XCL1: variants seen among roughly 807,000 people sequenced by gnomAD.
XCL1 encodes the protein lymphotactin.
XCL1 carries 6 observed loss-of-function variants against 7.4 expected under a neutral mutation model. That is an observed-to-expected ratio of 0.82 (90% CI 0.45 to 1.61). The LOEUF is 1.61. XCL1 is among the 40% of genes most tolerant of loss of function. The pLI is 0.01. For synonymous variants in XCL1, 48 were observed against 52.4 expected (o/e 0.92, Z 0.36); for missense variants, 122 against 138.2 (o/e 0.88, Z 0.59).
chr1:168,577,725 C>T (rs1245266361), intron 1 of XCL1, among the ~76,000 whole-genome samples: 1 of 152,186 alleles, frequency 6.6e-6, no homozygotes, highest in African/African-American at 2.4e-5. Flanking sequence ...CCACATGTTG[C>T]TACCTGGCTG....
At chr1:168,577,144 T>C (rs994129329) in intron 1 of XCL1, among the ~76,000 whole-genome samples, 81 of 152,344 alleles carry the variant, frequency 5.3e-4, no homozygotes, top group Non-Finnish European at 1.0e-3. Flanking sequence ...CCATTTAATA[T>C]ATAGTTTGAT....
intron 1 of XCL1, among the ~76,000 whole-genome samples, chr1:168,577,282 T>TC (rs1655046562): frequency 6.6e-6 from 1 of 152,306 alleles, no homozygotes; most frequent in East Asian, 1.9e-4. Flanking sequence ...AACCTTCATG[T>TC]CCAGAAAATC....
rs1418015928 is a variant in XCL1 at position 168,582,065 on chromosome 1, C to T, written c.*845C>T. ...TTTTAATTAAATGCTCATCTGGTAA[C>T]TCAACACCCCAGATTCATGCTGTCT... On this transcript the variant is annotated 3_prime_UTR_variant, in exon 3 of 3. Transcript: ENST00000367818. The T allele has an allele frequency of 6.6e-6, 1 of 152,176 alleles. No individual in the cohort carries two copies. Among genetic ancestry groups the T allele is most frequent in the East Asian group, 1.9e-4 (1 of 5,198 alleles). The allele number at this position is 152,176 out of a possible 1,614,324, so 9.4% of individuals were successfully genotyped here. A position where few individuals can be genotyped will look rare whatever the true frequency, so the allele number is the denominator to read the frequency against.
At chr1:168,579,968 C>T in intron 1 of XCL1, 95 bp from the exon 2 acceptor site, 19 of 1,295,560 alleles carry the variant, frequency 1.5e-5, no homozygotes, top group Non-Finnish European at 2.0e-5. Context: ...CTTAAATTCT[C>T]ACAACATTCT....
chr1:168,578,030 A>G (rs1156808844), intron 1 of XCL1, among the ~76,000 whole-genome samples: 3 of 152,230 alleles, frequency 2.0e-5, no homozygotes, highest in Non-Finnish European at 2.9e-5. Flanking sequence ...GGTTTCAAGC[A>G]TAACAGGATT....
chr1:168,576,984 T>C (rs1460947595), intron 1 of XCL1, among the ~76,000 whole-genome samples: 2 of 152,202 alleles, frequency 1.3e-5, no homozygotes, highest in African/African-American at 2.4e-5. Flanking sequence ...TATAACTGAA[T>C]AGTATAACAG....
At chr1:168,578,598 T>C (rs1321633323) in intron 1 of XCL1, 1 of 199,194 alleles carries the variant, frequency 5.0e-6, no homozygotes, top group Non-Finnish European at 1.0e-5. Context: ...CATTTATTAA[T>C]TTTTTGGAGA....
chr1:168,578,579 A>G (rs1219246603), intron 1 of XCL1: 2 of 209,316 alleles, frequency 9.6e-6, no homozygotes, highest in Non-Finnish European at 9.4e-6. Flanking sequence ...TATATATCTT[A>G]CCTTTTACCA....
intron 2 of XCL1, among the ~76,000 whole-genome samples, chr1:168,580,707 A>G (rs1214632244): frequency 1.3e-5 from 2 of 152,196 alleles, no homozygotes; most frequent in Non-Finnish European, 2.9e-5. Flanking sequence ...CTTTTTATTT[A>G]AAAAATAAGA....
chr1:168,578,535 TGG>T (rs2101835979), intron 1 of XCL1: 1 of 182,238 alleles, frequency 5.5e-6, no homozygotes, highest in East Asian at 1.8e-4. Flanking sequence ...CCATTACTAT[TGG>T]GGATGCATAT....
Position 168,580,027 on chromosome 1 carries a change from A to G in XCL1, c.62-36A>G, listed in dbSNP as rs371121214. The G allele has an allele frequency of 8.5e-5, 136 of 1,591,360 alleles. No individual in the cohort carries two copies. The African/African-American group carries it at 1.7e-3, about 20-fold the overall frequency. ...TTCCTGTGATCTGGATAATTGCTTT[A>G]TTTTTAATTGTCTGTTGTTTTTTTT... is the stretch of plus-strand genomic sequence containing the variant. On this transcript the variant is annotated intron_variant, in intron 1 of 2. Transcript: ENST00000367818.
chr1:168,578,295 T>TC (rs1655074354), intron 1 of XCL1, among the ~76,000 whole-genome samples: 1 of 152,210 alleles, frequency 6.6e-6, no homozygotes. Context: ...CTTCTGATAT[T>TC]AGCAACACTA....
chr1:168,581,454 T>C lies in XCL1; in HGVS notation c.*234T>C, dbSNP rs1400096171. ...ATATTTAGGGAAAGGTAGTGTATCA[T>C]TGTTGTTTGATTTCTGACCTTGTAC... On this transcript the variant is annotated 3_prime_UTR_variant, in exon 3 of 3. Coordinates refer to ENST00000367818, the MANE Select transcript of XCL1 (RefSeq NM_002995.3). 7.7e-6 allele frequency: 3 copies of C among 391,860 alleles called. No homozygotes were observed. Among genetic ancestry groups the C allele is most frequent in the Non-Finnish European group, 1.2e-5 (3 of 240,826 alleles). 24.3% of individuals were successfully genotyped at this position (391,860 alleles called of 1,614,324 possible). A position where few individuals can be genotyped will look rare whatever the true frequency, so the allele number is the denominator to read the frequency against.
intron 2 of XCL1, 123 bp downstream of exon 2, chr1:168,580,300 A>G: frequency 9.4e-7 from 1 of 1,064,698 alleles, no homozygotes; most frequent in Non-Finnish European, 1.3e-6. Context: ...CAACTTAACC[A>G]AAAACCTCTT....
chr1:168,577,910 G>A (rs1164405122), intron 1 of XCL1, among the ~76,000 whole-genome samples: 2 of 152,276 alleles, frequency 1.3e-5, no homozygotes, highest in East Asian at 3.9e-4. Flanking sequence ...ATACAAAAAT[G>A]AGGGAAAACG....
At chr1:168,580,800 G>A (rs1179068739) in intron 2 of XCL1, among the ~76,000 whole-genome samples, 4 of 152,146 alleles carry the variant, frequency 2.6e-5, no homozygotes, top group Non-Finnish European at 5.9e-5. Flanking sequence ...ACAACATTTG[G>A]TGACATGGAT....
intron 1 of XCL1, among the ~76,000 whole-genome samples, chr1:168,577,936 C>G (rs966065): frequency 0.52 from 79,594 of 151,920 alleles, 21,763 homozygotes; most frequent in Middle Eastern, 0.67. Context: ...TGCTTTGACT[C>G]AATTTTGCAA....
chr1:168,580,481 T>C (rs1219133273), intron 2 of XCL1, among the ~76,000 whole-genome samples: 3 of 152,278 alleles, frequency 2.0e-5, no homozygotes, highest in African/African-American at 4.8e-5. Context: ...CTGGCCCATG[T>C]CAGGGTTTCC....
intron 1 of XCL1, chr1:168,578,886 T>C: frequency 5.2e-6 from 2 of 388,118 alleles, no homozygotes; most frequent in Non-Finnish European, 9.9e-6. Context: ...TACCCCTTGA[T>C]AATGCATTAA....
Sources: gnomAD v4.1 joint callset for allele counts (sites outside exome capture counted in the v4.1 genomes callset) on GRCh38, gnomAD v4.1.1 for gene constraint, MANE v1.5 for transcripts, NCBI Gene and HGNC (gene_info 2026-07-23, HGNC 2026-07-21) for gene names.